CDKAL1: variants seen among roughly 807,000 people sequenced by gnomAD.
CDKAL1 encodes threonylcarbamoyladenosine tRNA methylthiotransferase.
A neutral mutation model predicts 68.2 loss-of-function variants in CDKAL1; 32 were observed. The ratio of observed to expected loss-of-function variants is 0.47; its 90% CI spans 0.35 to 0.63. The LOEUF (loss-of-function observed/expected upper bound fraction) is 0.63, where lower values mean the gene tolerates loss of function less well. Ranked by LOEUF, CDKAL1 falls within the 30% of genes least tolerant of loss-of-function variation. The pLI, the probability that CDKAL1 is intolerant of heterozygous loss-of-function variation, is 0.00. For missense variants in CDKAL1, 606 were observed against 696.7 expected (o/e 0.87, Z 1.47); for synonymous variants, 234 against 244.3 (o/e 0.96, Z 0.39).
At chr6:20,979,498 A>G (rs914388911) in intron 10 of CDKAL1, among the ~76,000 whole-genome samples, 1 of 152,116 alleles carries the variant, frequency 6.6e-6, no homozygotes, top group African/African-American at 2.4e-5. Context: ...ACATTTTAAT[A>G]AGGGTAAAAA....
Position 20,800,204 on chromosome 6 carries a change from G to A in CDKAL1, c.638+18939G>A, listed in dbSNP as rs953272377. Reference sequence around the variant, plus strand: ...TCTCATAGCAGCTTTATTTGCAATAGCCAAAAATGGGAAACAACCCACAGT... The same window carrying A: ...TCTCATAGCAGCTTTATTTGCAATAACCAAAAATGGGAAACAACCCACAGT... On this transcript the variant is annotated intron_variant, in intron 8 of 15. Coordinates refer to ENST00000274695, the MANE Select transcript of CDKAL1 (RefSeq NM_017774.3). 2.1e-4 allele frequency among the ~76,000 whole-genome samples: 32 copies of A among 151,984 alleles called. 1 individual carries two copies. The highest frequency in any genetic ancestry group is 1.9e-3 in the Admixed American group (29 of 15,256).
intron 7 of CDKAL1, among the ~76,000 whole-genome samples, chr6:20,780,287 C>T (rs1325409304): frequency 6.6e-6 from 1 of 151,782 alleles, no homozygotes; most frequent in Non-Finnish European, 1.5e-5. Context: ...TTTAATGGCT[C>T]TTAATAGTGA....
chr6:20,578,334 A>G (rs976221000), intron 4 of CDKAL1, among the ~76,000 whole-genome samples: 3 of 151,874 alleles, frequency 2.0e-5, no homozygotes, highest in Non-Finnish European at 4.4e-5. Context: ...CCTCTCTCCC[A>G]TCAACCCTCC....
Position 20,679,388 on chromosome 6 carries a change from T to C in CDKAL1, c.371+30011T>C, listed in dbSNP as rs527582347. 2.0e-5 allele frequency among the ~76,000 whole-genome samples: 3 copies of C among 152,378 alleles called. No individual in the cohort carries two copies. The South Asian group carries it at 6.2e-4, about 32-fold the overall frequency. On this transcript the variant is annotated intron_variant, in intron 5 of 15. Transcript: ENST00000274695. ...ACATTTGTACATTGACCTACTTTTT[T>C]CCTACTTTTGTGCATTGCTACAATG...
chr6:20,654,693 CATT>C (rs1346446176), intron 5 of CDKAL1, among the ~76,000 whole-genome samples: 1 of 152,046 alleles, frequency 6.6e-6, no homozygotes, highest in African/African-American at 2.4e-5. Context: ...GTTTCAGTAT[CATT>C]TATTTATTTA....
intron 9 of CDKAL1, among the ~76,000 whole-genome samples, chr6:20,920,620 A>C (rs1762910357): frequency 6.6e-6 from 1 of 152,150 alleles, no homozygotes. Flanking sequence ...AATCATGTTT[A>C]TTGTTTTTAG....
intron 5 of CDKAL1, among the ~76,000 whole-genome samples, chr6:20,702,743 G>A (rs1422583505): frequency 6.6e-6 from 1 of 152,128 alleles, no homozygotes; most frequent in Non-Finnish European, 1.5e-5. Flanking sequence ...ATAGGCACAC[G>A]ATGGGGTGTG....
intron 11 of CDKAL1, among the ~76,000 whole-genome samples, chr6:21,011,613 G>C (rs1213238556): frequency 1.3e-5 from 2 of 152,120 alleles, no homozygotes; most frequent in African/African-American, 2.4e-5. Context: ...GTTAATATTA[G>C]GTAGATGTTT....
intron 4 of CDKAL1, among the ~76,000 whole-genome samples, chr6:20,601,524 A>G (rs762974341): frequency 4.6e-5 from 7 of 152,020 alleles, no homozygotes; most frequent in Admixed American, 1.3e-4. Flanking sequence ...ATTGACTTAC[A>G]TTTTTTCTTG....
At chr6:21,169,548 A>C (rs1047575629) in intron 13 of CDKAL1, among the ~76,000 whole-genome samples, 10 of 152,188 alleles carry the variant, frequency 6.6e-5, no homozygotes, top group African/African-American at 2.4e-4. Context: ...AGGCAGGGGA[A>C]TCACTTGAAC....
chr6:21,167,206 G>A (rs1188211102), intron 13 of CDKAL1, among the ~76,000 whole-genome samples: 1 of 152,166 alleles, frequency 6.6e-6, no homozygotes, highest in East Asian at 1.9e-4. Flanking sequence ...AGTTTCAATG[G>A]TGTTTTTGAG....
At chr6:20,899,704 A>G (rs973938715) in intron 9 of CDKAL1, among the ~76,000 whole-genome samples, 1 of 152,164 alleles carries the variant, frequency 6.6e-6, no homozygotes, top group African/African-American at 2.4e-5. Flanking sequence ...TTAGCTGGGC[A>G]TGGTGGCCCA....
chr6:21,162,829 G>A (rs6929437), intron 13 of CDKAL1, among the ~76,000 whole-genome samples: 37,606 of 152,080 alleles, frequency 0.25, 5,025 homozygotes, highest in African/African-American at 0.32. Flanking sequence ...TCAGGAGGCT[G>A]AGGTGGGAGG....
At chr6:20,636,392 C>G (rs561282897) in intron 4 of CDKAL1, among the ~76,000 whole-genome samples, 1 of 151,138 alleles carries the variant, frequency 6.6e-6, no homozygotes, top group African/African-American at 2.4e-5. Flanking sequence ...AGAGTGGTTT[C>G]TTTTTTCCTA....
At position 20,672,869 on chromosome 6, in the gene CDKAL1, C is replaced by T. The variant is rs569317108; in HGVS notation, c.371+23492C>T. ...TTGGCTCACTGCAGCCTCTGCCCCC[C>T]GGGTTCAAGTGATTCTCCTGCCTCA... On this transcript the variant is annotated intron_variant, in intron 5 of 15. Transcript: ENST00000274695. 4.6e-5 allele frequency among the ~76,000 whole-genome samples: 7 copies of T among 152,064 alleles called. No homozygotes were observed. The South Asian group carries it at 6.2e-4, about 14-fold the overall frequency.
chr6:20,672,270 TTTTC>T (rs1769872241), intron 5 of CDKAL1, among the ~76,000 whole-genome samples: 1 of 107,172 alleles, frequency 9.3e-6, no homozygotes, highest in Non-Finnish European at 2.0e-5. Flanking sequence ...TTCTTTTTCT[TTTTC>T]TTTCTTTCTC....
intron 6 of CDKAL1, among the ~76,000 whole-genome samples, chr6:20,749,754 A>G (rs969257883): frequency 6.6e-6 from 1 of 151,880 alleles, no homozygotes; most frequent in Non-Finnish European, 1.5e-5. Context: ...TCACTGTGTT[A>G]GCCAAGAGGG....
intron 4 of CDKAL1, among the ~76,000 whole-genome samples, chr6:20,648,555 T>C (rs1316142537): frequency 6.6e-6 from 1 of 152,224 alleles, no homozygotes; most frequent in African/African-American, 2.4e-5. Context: ...GTATGTTCTC[T>C]TAGTTCATGT....
rs966103903 is a variant in CDKAL1, at chr6:21,078,555, A to G, written c.1236+13327A>G. Among the ~76,000 whole-genome samples, 43 of 152,160 alleles carry G rather than the reference A, an allele frequency of 2.8e-4. 2 individuals carry two copies. The highest frequency in any genetic ancestry group is 5.9e-5 in the Non-Finnish European group (4 of 68,032). ...GCCATGAGTGATTAACTAGCCCAAG[A>G]TCATACAGAGGAGCTCCTGCCTGCC... On this transcript the variant is annotated intron_variant, in intron 12 of 15. Coordinates refer to ENST00000274695, the MANE Select transcript of CDKAL1 (RefSeq NM_017774.3).
Sources: allele counts gnomAD v4.1 joint callset (sites outside exome capture counted in the v4.1 genomes callset), GRCh38; gene constraint gnomAD v4.1.1; transcripts MANE v1.5; gene names NCBI Gene and HGNC (gene_info 2026-07-23, HGNC 2026-07-21).